Variants in DYDC2 observed in about 807,000 individuals in gnomAD.
The protein encoded by DYDC2 is DPY30 domain containing 2.
In DYDC2, 19 loss-of-function variants were observed where a neutral mutation model predicts 18.7. That is an observed-to-expected ratio of 1.02 (90% CI 0.71 to 1.49). DYDC2 has a LOEUF of 1.49. Ranked by LOEUF, DYDC2 falls within the 40% of genes most tolerant of loss-of-function variation. DYDC2 has a pLI of 0.00. For synonymous variants in DYDC2, 63 were observed against 67.6 expected (o/e 0.93, Z 0.34); for missense variants, 179 against 205.1 (o/e 0.87, Z 0.78).
upstream of DYDC2, chr10:80,356,502 C>A: frequency 1.0e-6 from 1 of 985,422 alleles, no homozygotes; most frequent in Non-Finnish European, 1.2e-6. Context: ...TCCCGCAGCC[C>A]GCAGGAGACG....
At chr10:80,351,021 C>T (rs918224340) in intron 1 of DYDC2, among the ~76,000 whole-genome samples, 5 of 152,262 alleles carry the variant, frequency 3.3e-5, no homozygotes, top group East Asian at 1.9e-4. Flanking sequence ...TCAAATGGCA[C>T]GATTATCAGT....
chr10:80,349,445 T>C (rs1451772051), intron 1 of DYDC2, among the ~76,000 whole-genome samples: 4 of 152,210 alleles, frequency 2.6e-5, no homozygotes, highest in African/African-American at 9.6e-5. Flanking sequence ...TCTTGGCCTG[T>C]AAAGCATAAA....
exon 1 of DYDC2, chr10:80,344,796 C>T (rs1284842055): frequency 2.0e-5 from 6 of 298,486 alleles, no homozygotes; most frequent in Non-Finnish European, 3.9e-5. Context: ...ATTCTGAGAC[C>T]TCCCCAGCAA....
chr10:80,366,600 T>C, intron 4 of DYDC2, 88 bp from the exon 5 acceptor site: 1 of 1,464,990 alleles, frequency 6.8e-7, no homozygotes, highest in Middle Eastern at 1.9e-4. Context: ...GTCTCTGGCA[T>C]GAAAATAGCA....
intron 2 of DYDC2, among the ~76,000 whole-genome samples, chr10:80,361,441 G>C (rs568995748): frequency 6.6e-6 from 1 of 152,280 alleles, no homozygotes; most frequent in African/African-American, 2.4e-5. Flanking sequence ...TACTTAATTT[G>C]TGAGAAGAAA....
chr10:80,358,788 GT>G (rs1235826048), intron 2 of DYDC2, among the ~76,000 whole-genome samples: 3 of 152,320 alleles, frequency 2.0e-5, no homozygotes, highest in Admixed American at 2.0e-4. Flanking sequence ...GTCTCACTGA[GT>G]TCTAGAATGA....
At chr10:80,358,076 C>A (rs952500227) in intron 2 of DYDC2, 31 bp downstream of exon 2, 16 of 985,350 alleles carry the variant, frequency 1.6e-5, no homozygotes, top group Non-Finnish European at 1.9e-5. Flanking sequence ...TCTGAGTGGG[C>A]TTTAAAAGGC....
intron 4 of DYDC2, among the ~76,000 whole-genome samples, chr10:80,365,042 A>T (rs1404331512): frequency 3.9e-5 from 6 of 152,222 alleles, no homozygotes; most frequent in Non-Finnish European, 8.8e-5. Context: ...TGGGAAAACC[A>T]ATTTCAAACT....
upstream of DYDC2, among the ~76,000 whole-genome samples, chr10:80,355,620 GGA>G (rs1028749769): frequency 2.0e-5 from 3 of 152,066 alleles, no homozygotes; most frequent in African/African-American, 4.8e-5. Context: ...GCAACACAAT[GGA>G]TTATTATGCA....
intron 1 of DYDC2, among the ~76,000 whole-genome samples, chr10:80,350,098 T>G (rs952161306): frequency 2.6e-5 from 4 of 152,160 alleles, no homozygotes; most frequent in African/African-American, 9.7e-5. Context: ...TGTTGATCGA[T>G]CTCTCCTATC....
In DYDC2 at chr10:80,362,593, G is replaced by A; in HGVS notation, c.147+3G>A. On this transcript the variant is annotated splice_donor_region_variant and intron_variant, in intron 3 of 4. Coordinates refer to ENST00000256039, the MANE Select transcript of DYDC2 (RefSeq NM_032372.6). Reference sequence around the variant, plus strand: ...AAACAGCAAAAGCAAAAGAAGAGGTGTGTATGTGCACTGGGACTTAGGGAG... The same window carrying A: ...AAACAGCAAAAGCAAAAGAAGAGGTATGTATGTGCACTGGGACTTAGGGAG... 3 of 1,606,300 alleles carry A rather than the reference G, an allele frequency of 1.9e-6. No homozygotes were observed. Among genetic ancestry groups the A allele is most frequent in the Non-Finnish European group, 2.6e-6 (3 of 1,173,970 alleles).
chr10:80,358,988 G>GAGC (rs1224100539), intron 2 of DYDC2, among the ~76,000 whole-genome samples: 5 of 152,206 alleles, frequency 3.3e-5, no homozygotes, highest in African/African-American at 7.2e-5. Flanking sequence ...CCCAAACAAT[G>GAGC]AGCAGCAGCA....
At chr10:80,366,476 G>A (rs1249780590) in intron 4 of DYDC2, among the ~76,000 whole-genome samples, 3 of 152,214 alleles carry the variant, frequency 2.0e-5, no homozygotes, top group African/African-American at 7.2e-5. Flanking sequence ...TGTTTTCCAT[G>A]AAAAGATGAT....
In DYDC2 at chr10:80,366,679, T is replaced by TGTTC; in HGVS notation, c.271-9_271-8insGTTC. On this transcript the variant is annotated splice_polypyrimidine_tract_variant and intron_variant, in intron 4 of 4. Coordinates refer to ENST00000256039, the MANE Select transcript of DYDC2 (RefSeq NM_032372.6). ...TAATAAGTTTTCGGCTTTTTTGTTT[T>TGTTC]CTATTTAGGAACTGACTTCTGAAAC... 2 of 1,579,964 alleles carry TGTTC rather than the reference T, an allele frequency of 1.3e-6. No homozygotes were observed. Among genetic ancestry groups the TGTTC allele is most frequent in the Non-Finnish European group, 8.6e-7 (1 of 1,164,716 alleles).
chr10:80,345,969 G>A (rs370603259), intron 1 of DYDC2, among the ~76,000 whole-genome samples: 21 of 152,112 alleles, frequency 1.4e-4, no homozygotes, highest in African/African-American at 4.1e-4. Flanking sequence ...AGCTTCCTGA[G>A]TAGCTGGGAC....
At chr10:80,365,643 T>A (rs1226633657) in intron 4 of DYDC2, among the ~76,000 whole-genome samples, 1 of 152,150 alleles carries the variant, frequency 6.6e-6, no homozygotes, top group African/African-American at 2.4e-5. Flanking sequence ...GAGCCTAAGC[T>A]CCAAGGATTC....
At chr10:80,352,525 G>A, upstream of DYDC2, 1 of 1,613,474 alleles carries the variant, frequency 6.2e-7, no homozygotes. Flanking sequence ...CGGATCCACT[G>A]GGCGAACTCT....
In DYDC2 at chr10:80,367,491, C is replaced by T. The variant is rs1192873938; in HGVS notation, c.*540C>T. 1.3e-5 allele frequency: 2 copies of T among 152,562 alleles called. No individual in the cohort carries two copies. The highest frequency in any genetic ancestry group is 2.9e-5 in the Non-Finnish European group (2 of 68,326). 9.5% of individuals were successfully genotyped at this position (152,562 alleles called of 1,614,324 possible). Reference sequence around the variant, plus strand: ...TGAGGGTTTAGCATTTTCTTTGAAACATATGGCTACTTGAGATAATGGGAG... The same window carrying T: ...TGAGGGTTTAGCATTTTCTTTGAAATATATGGCTACTTGAGATAATGGGAG... On this transcript the variant is annotated 3_prime_UTR_variant, in exon 5 of 5. Transcript: ENST00000256039.
upstream of DYDC2, among the ~76,000 whole-genome samples, chr10:80,355,986 TAAAA>T (rs370903702): frequency 5.0e-5 from 6 of 118,886 alleles, no homozygotes; most frequent in Non-Finnish European, 1.1e-4. Context: ...GAAGTGAAGT[TAAAA>T]AAAAAAAAAA....
Sources: gnomAD v4.1 joint callset for allele counts (sites outside exome capture counted in the v4.1 genomes callset) on GRCh38, gnomAD v4.1.1 for gene constraint, MANE v1.5 for transcripts, NCBI Gene and HGNC (gene_info 2026-07-23, HGNC 2026-07-21) for gene names.